ZNF518A: variants seen among roughly 807,000 people sequenced by gnomAD.
ZNF518A encodes zinc finger protein 518.
ZNF518A carries 47 observed loss-of-function variants against 102.7 expected under a neutral mutation model. The observed-to-expected ratio is 0.46, with a 90% CI of 0.36 to 0.58. The LOEUF (loss-of-function observed/expected upper bound fraction) is 0.58. Among genes scored for constraint, ZNF518A ranks in the 20% least tolerant of loss-of-function variants. The pLI, the probability that ZNF518A is intolerant of heterozygous loss-of-function variation, is 0.00. For synonymous variants in ZNF518A, 652 were observed against 594.6 expected, an observed-to-expected ratio of 1.10 and a Z score of -1.40; for missense variants, 1,793 against 1,699.8, an observed-to-expected ratio of 1.05 and a Z score of -0.96.
Position 96,156,599 on chromosome 10 carries a change from G to A in ZNF518A, c.277G>A (p.Val93Ile), listed in dbSNP as rs2082705388. The change falls in exon 6 of 6, where the codon GTA (valine) becomes ATA (isoleucine). Residue 93 changes from valine to isoleucine, a missense_variant. Val to Ile is a conservative substitution (Grantham distance 29). Around this residue, in one of 3 missense-constraint regions of ZNF518A, gnomAD observed 1,741 missense variants for 1,622.6 expected, o/e 1.07. Coordinates refer to ENST00000316045, the MANE Select transcript of ZNF518A (RefSeq NM_001330736.2). Reference protein sequence around the residue: ...KSISIKTVSCVEECTLLHKSE... With the variant: ...KSISIKTVSCIEECTLLHKSE... ...TATCAGTATAAAGACTGTAAGCTGT[G>A]TAGAGGAGTGTACATTGCTTCATAA... is the stretch of plus-strand genomic sequence containing the variant. The A allele has an allele frequency of 1.2e-6, 2 of 1,613,824 alleles. No individual in the cohort carries two copies. Among genetic ancestry groups the A allele is most frequent in the Non-Finnish European group, 1.7e-6 (2 of 1,179,768 alleles).
chr10:96,143,055 G>A (rs1554877166), intron 3 of ZNF518A, among the ~76,000 whole-genome samples: 2 of 152,090 alleles, frequency 1.3e-5, no homozygotes, highest in South Asian at 2.1e-4. Flanking sequence ...TGATCCGCCC[G>A]CTTTGGCCTC....
chr10:96,132,098 G>A (rs1015851099), intron 1 of ZNF518A, among the ~76,000 whole-genome samples: 1 of 151,142 alleles, frequency 6.6e-6, no homozygotes, highest in East Asian at 1.9e-4. Context: ...GTGGCAAAGT[G>A]CTATTAGCAG....
chr10:96,156,611 A>G lies in ZNF518A; in HGVS notation c.289A>G (p.Thr97Ala). Residue 97 changes from threonine to alanine, a missense_variant, in exon 6 of 6, where the codon ACA becomes GCA. Physicochemically the swap from Thr to Ala is moderately conservative, Grantham distance 58. Transcript: ENST00000316045. ...IKTVSCVEEC[T>A]LLHKSERAEE... Reference sequence around the variant, plus strand: ...GACTGTAAGCTGTGTAGAGGAGTGTACATTGCTTCATAAGTCTGAGAGAGC... The same window carrying G: ...GACTGTAAGCTGTGTAGAGGAGTGTGCATTGCTTCATAAGTCTGAGAGAGC... 1.9e-6 allele frequency: 3 copies of G among 1,613,842 alleles called. No homozygotes were observed. The highest frequency in any genetic ancestry group is 2.5e-6 in the Non-Finnish European group (3 of 1,179,776).
intron 1 of ZNF518A, among the ~76,000 whole-genome samples, chr10:96,195,032 G>C (rs1737989055): frequency 6.6e-6 from 1 of 152,004 alleles, no homozygotes; most frequent in Non-Finnish European, 1.5e-5. Context: ...GCCTCCCAAA[G>C]TGCTGGGATT....
intron 1 of ZNF518A, among the ~76,000 whole-genome samples, chr10:96,177,318 CAAAT>C (rs1564802334): frequency 6.6e-6 from 1 of 152,108 alleles, no homozygotes; most frequent in Non-Finnish European, 1.5e-5. Flanking sequence ...GAAGACAAAA[CAAAT>C]ACAGTTTAAC....
intron 1 of ZNF518A, among the ~76,000 whole-genome samples, chr10:96,180,877 G>A (rs587664062): frequency 7.6e-4 from 115 of 152,296 alleles, no homozygotes; most frequent in African/African-American, 2.6e-3. Flanking sequence ...TGATGGCTGG[G>A]ACAAATGGTA....
chr10:96,152,936 A>T (rs2082522045), intron 3 of ZNF518A, among the ~76,000 whole-genome samples: 1 of 152,200 alleles, frequency 6.6e-6, no homozygotes, highest in South Asian at 2.1e-4. Flanking sequence ...GAGGGGATTT[A>T]TTAGGGGAAT....
At chr10:96,148,288 A>G (rs782499549) in intron 3 of ZNF518A, among the ~76,000 whole-genome samples, 1 of 152,166 alleles carries the variant, frequency 6.6e-6, no homozygotes, top group Non-Finnish European at 1.5e-5. Context: ...TAAAAATACA[A>G]AATTAGCCTG....
chr10:96,196,813 A>G, intron 1 of ZNF518A: 1 of 1,252,856 alleles, frequency 8.0e-7, no homozygotes, highest in Non-Finnish European at 1.2e-6. Flanking sequence ...GTACTTTTGT[A>G]TCCTTTCTCC....
intron 1 of ZNF518A, among the ~76,000 whole-genome samples, chr10:96,194,919 C>T (rs369410387): frequency 0.014 from 2,086 of 151,292 alleles, 18 homozygotes; most frequent in Middle Eastern, 0.031. Context: ...TACAGGCACG[C>T]GCCACCATGC....
intron 1 of ZNF518A, among the ~76,000 whole-genome samples, chr10:96,183,157 C>T (rs587666078): frequency 5.3e-5 from 8 of 152,140 alleles, no homozygotes; most frequent in Admixed American, 1.3e-4. Context: ...TCTGTGGGAT[C>T]GGTGGTGATA....
rs117416075 is a variant in ZNF518A at position 96,195,517 on chromosome 10, A to T, written n.36-8057A>T. Among the ~76,000 whole-genome samples, 142 of 152,374 alleles carry T rather than the reference A, an allele frequency of 9.3e-4. 2 individuals are homozygous for T. The East Asian group carries it at 0.022, about 24-fold the overall frequency. ...AATCCTAACACATGCTACAACATGG[A>T]TGAGTCTCAAGGACATCATGCTAAG... is the stretch of plus-strand genomic sequence containing the variant. On this transcript the variant is annotated intron_variant and non_coding_transcript_variant, in intron 1 of 2. Coordinates refer to the ZNF518A transcript ENST00000442635.
At chr10:96,194,768 A>ATTTT (rs71034364) in intron 1 of ZNF518A, among the ~76,000 whole-genome samples, 1,215 of 110,226 alleles carry the variant, frequency 0.011, 74 homozygotes, top group East Asian at 0.032. Context: ...AGAAATGCAA[A>ATTTT]TTTTTTTTTT....
intron 1 of ZNF518A, among the ~76,000 whole-genome samples, chr10:96,177,501 A>G (rs1554891610): frequency 1.3e-5 from 2 of 152,242 alleles, no homozygotes; most frequent in African/African-American, 4.8e-5. Context: ...AGCAAAAATA[A>G]TAACATATTA....
rs935245621 is a variant in ZNF518A at position 96,130,556 on chromosome 10, A to G, written c.-649A>G. On this transcript the variant is annotated 5_prime_UTR_variant, in exon 1 of 6. Coordinates refer to ENST00000316045, the MANE Select transcript of ZNF518A (RefSeq NM_001330736.2). ...GGCGAAGCTGGGCGCGCGGCGCTCGAAGCACTCACTCGGCGGGTTTCGTGG... is the reference window on the plus strand; with the variant it reads ...GGCGAAGCTGGGCGCGCGGCGCTCGGAGCACTCACTCGGCGGGTTTCGTGG... The G allele has an allele frequency of 4.6e-5, 7 of 152,336 alleles. No homozygotes were observed. Among genetic ancestry groups the G allele is most frequent in the African/African-American group, 1.7e-4 (7 of 41,456 alleles). The allele number at this position is 152,336 out of a possible 1,614,324, so 9.4% of individuals were successfully genotyped here.
chr10:96,176,467 A>G (rs1231982378), intron 1 of ZNF518A, among the ~76,000 whole-genome samples: 1 of 152,376 alleles, frequency 6.6e-6, no homozygotes, highest in African/African-American at 2.4e-5. Flanking sequence ...GAAGAAAACC[A>G]TCCCAAACAC....
rs139537758 is a variant in ZNF518A at position 96,139,158 on chromosome 10, G to T, written c.-302+5510G>T. ...TGAGAATCTGTGGCAGCTTGTTGGA[G>T]TATATGTACAATGGGGAGAGTGGTG... On this transcript the variant is annotated intron_variant, in intron 3 of 5. Coordinates refer to ENST00000316045, the MANE Select transcript of ZNF518A (RefSeq NM_001330736.2). 2.7e-3 allele frequency among the ~76,000 whole-genome samples: 413 copies of T among 152,206 alleles called. 3 individuals carry two copies. The highest frequency in any genetic ancestry group is 4.5e-3 in the Non-Finnish European group (307 of 68,000).
At chr10:96,137,956 A>G (rs76689660) in intron 3 of ZNF518A, among the ~76,000 whole-genome samples, 6,185 of 152,214 alleles carry the variant, frequency 0.041, 240 homozygotes, top group African/African-American at 0.098. Flanking sequence ...AATCTTTTAT[A>G]TCTCGGTGAA....
intron 1 of ZNF518A, among the ~76,000 whole-genome samples, chr10:96,169,068 G>T (rs1163737344): frequency 1.3e-5 from 2 of 152,022 alleles, no homozygotes; most frequent in African/African-American, 4.8e-5. Context: ...TTGCTCTGTT[G>T]CCCAGGCTGG....
Sources: allele counts gnomAD v4.1 joint callset (sites outside exome capture counted in the v4.1 genomes callset), GRCh38; gene constraint gnomAD v4.1.1; regional missense constraint gnomAD v4.1.1; transcripts MANE v1.5; gene names NCBI Gene and HGNC (gene_info 2026-07-23, HGNC 2026-07-21).